Variants in COL22A1 observed in about 807,000 individuals in gnomAD.
COL22A1 encodes collagen type XXII alpha 1 chain.
COL22A1 carries 221 observed loss-of-function variants against 248.9 expected under a neutral mutation model. That is an observed-to-expected ratio of 0.89 (90% confidence interval 0.80 to 0.99). COL22A1 has a LOEUF of 0.99. Ranked by LOEUF, COL22A1 falls within the 50% of genes least tolerant of loss-of-function variation. The pLI is 0.00. For synonymous variants in COL22A1, 891 were observed against 793.4 expected (o/e 1.12, Z -2.07); for missense variants, 2,240 against 2,179.0 (o/e 1.03, Z -0.56).
intron 61 of COL22A1, among the ~76,000 whole-genome samples, chr8:138,597,614 C>T (rs1817648166): frequency 6.6e-6 from 1 of 152,226 alleles, no homozygotes. Flanking sequence ...TCAGGCTGTA[C>T]AGAGCTGGTC....
intron 58 of COL22A1, among the ~76,000 whole-genome samples, chr8:138,605,712 T>C (rs949372233): frequency 1.3e-5 from 2 of 152,152 alleles, no homozygotes; most frequent in Non-Finnish European, 2.9e-5. Flanking sequence ...GACTGCAATA[T>C]GCAGATGACA....
chr8:138,891,236 A>G (rs1180088088), intron 1 of COL22A1, among the ~76,000 whole-genome samples: 1 of 152,238 alleles, frequency 6.6e-6, no homozygotes, highest in Admixed American at 6.5e-5. Flanking sequence ...CTGATTGCTT[A>G]ATGGTTGACA....
intron 60 of COL22A1, among the ~76,000 whole-genome samples, chr8:138,601,441 G>C (rs1304459676): frequency 6.6e-6 from 1 of 152,062 alleles, no homozygotes; most frequent in Non-Finnish European, 1.5e-5. Flanking sequence ...GGGTGGGCTG[G>C]GGGTGCCTGG....
At chr8:138,646,103 C>T (rs1269703050) in intron 47 of COL22A1, among the ~76,000 whole-genome samples, 1 of 152,166 alleles carries the variant, frequency 6.6e-6, no homozygotes, top group African/African-American at 2.4e-5. Context: ...ATTATACCCC[C>T]CTTTCTCTCA....
chr8:138,732,573 C>G (rs1032511851), intron 23 of COL22A1, among the ~76,000 whole-genome samples: 1 of 152,218 alleles, frequency 6.6e-6, no homozygotes, highest in African/African-American at 2.4e-5. Context: ...ACAAATGTTA[C>G]TTTTCTTTCT....
intron 45 of COL22A1, among the ~76,000 whole-genome samples, chr8:138,652,534 A>G (rs1319140406): frequency 2.0e-5 from 3 of 152,114 alleles, no homozygotes; most frequent in Non-Finnish European, 4.4e-5. Flanking sequence ...AGGCAAGTCA[A>G]TTAATCTTCT....
intron 22 of COL22A1, among the ~76,000 whole-genome samples, chr8:138,740,819 A>C (rs1443523667): frequency 3.9e-5 from 6 of 152,172 alleles, no homozygotes; most frequent in African/African-American, 1.2e-4. Flanking sequence ...GAGAAGCCTC[A>C]GGGTAACATC....
chr8:138,731,802 T>C (rs372059589), intron 23 of COL22A1, among the ~76,000 whole-genome samples: 20 of 152,286 alleles, frequency 1.3e-4, no homozygotes, highest in African/African-American at 4.8e-4. Context: ...CATCTCAGCT[T>C]TCCTGGATGA....
intron 22 of COL22A1, among the ~76,000 whole-genome samples, chr8:138,750,214 C>T (rs755323039): frequency 6.6e-6 from 1 of 152,166 alleles, no homozygotes; most frequent in Non-Finnish European, 1.5e-5. Context: ...GTAAATTGCC[C>T]AGTCTCGGGT....
intron 18 of COL22A1, 128 bp from the exon 19 acceptor site, chr8:138,755,957 C>T: frequency 1.3e-6 from 1 of 745,370 alleles, no homozygotes; most frequent in Admixed American, 2.2e-5. Context: ...CCACACATAT[C>T]TTCGTCTTGC....
rs201380800 is a variant in COL22A1 at position 138,819,651 on chromosome 8, TTAAA to T, written c.1245+1481_1245+1484del. Among the ~76,000 whole-genome samples, 1,206 of 148,190 alleles carry T rather than the reference TTAAA, an allele frequency of 8.1e-3. 11 individuals are homozygous for T. Among genetic ancestry groups the T allele is most frequent in the African/African-American group, 0.027 (1,103 of 40,888 alleles). On this transcript the variant is annotated intron_variant, in intron 7 of 64. Transcript: ENST00000303045. ...GTATATATAATTATATAGATATAAA[TTAAA>T]TAAACATTATCTATATAATTTATGT...
At chr8:138,738,749 T>C (rs1024358556) in intron 22 of COL22A1, among the ~76,000 whole-genome samples, 7 of 152,178 alleles carry the variant, frequency 4.6e-5, no homozygotes, top group Non-Finnish European at 4.4e-5. Context: ...TCTGAAGAAT[T>C]AAAAGGGATG....
chr8:138,604,825 T>C (rs1281213886), intron 58 of COL22A1, 56 bp from the exon 59 acceptor site: 9 of 1,380,670 alleles, frequency 6.5e-6, no homozygotes, highest in Non-Finnish European at 7.2e-6. Flanking sequence ...ATGTCAGTAC[T>C]AAGACTGTCT....
intron 12 of COL22A1, among the ~76,000 whole-genome samples, chr8:138,791,489 C>T (rs745665089): frequency 1.6e-4 from 24 of 152,306 alleles, no homozygotes; most frequent in East Asian, 3.9e-4. Context: ...CATTTTCAAA[C>T]GGGACAGTGT....
At chr8:138,660,799 CACAG>C (rs1276892177) in intron 43 of COL22A1, among the ~76,000 whole-genome samples, 4 of 88,452 alleles carry the variant, frequency 4.5e-5, no homozygotes, top group East Asian at 3.2e-4. Flanking sequence ...CACACAGACA[CACAG>C]ACACACATAC....
At chr8:138,597,524 T>C (rs1052845988) in intron 61 of COL22A1, among the ~76,000 whole-genome samples, 1 of 152,164 alleles carries the variant, frequency 6.6e-6, no homozygotes, top group African/African-American at 2.4e-5. Flanking sequence ...GCTGATGAGT[T>C]TGACAACCAG....
At chr8:138,636,361 C>G (rs113153706) in intron 48 of COL22A1, among the ~76,000 whole-genome samples, 3 of 150,338 alleles carry the variant, frequency 2.0e-5, no homozygotes, top group Admixed American at 1.3e-4. Context: ...AGCAAGAGAG[C>G]CAGGCAACAG....
intron 3 of COL22A1, among the ~76,000 whole-genome samples, chr8:138,875,403 C>G (rs1050210729): frequency 6.6e-6 from 1 of 152,102 alleles, no homozygotes; most frequent in Non-Finnish European, 1.5e-5. Context: ...AGATCCAGAA[C>G]CACTCTGAAC....
At chr8:138,907,475 A>G (rs1815116813) in intron 1 of COL22A1, among the ~76,000 whole-genome samples, 1 of 152,182 alleles carries the variant, frequency 6.6e-6, no homozygotes, top group South Asian at 2.1e-4. Flanking sequence ...GATCTGAAAA[A>G]CCATCCAGGA....
Sources: allele counts gnomAD v4.1 joint callset (sites outside exome capture counted in the v4.1 genomes callset), GRCh38; gene constraint gnomAD v4.1.1; transcripts MANE v1.5; gene names NCBI Gene and HGNC (gene_info 2026-07-23, HGNC 2026-07-21).